The following PCDHGA2 variants were observed in gnomAD, a reference collection of about 807,000 sequenced individuals.
The protein encoded by PCDHGA2 is protocadherin gamma subfamily A, 2, also known as protocadherin gamma-A2.
In PCDHGA2, 40 loss-of-function variants were observed where a neutral mutation model predicts 59.2. That is an observed-to-expected ratio of 0.68 (90% confidence interval 0.52 to 0.88). The LOEUF (loss-of-function observed/expected upper bound fraction) is 0.88. Among genes scored for constraint, PCDHGA2 ranks in the 40% least tolerant of loss-of-function variants. PCDHGA2 has a pLI of 0.00. For missense variants in PCDHGA2, 1,226 were observed against 1,204.0 expected, an observed-to-expected ratio of 1.02 and a Z score of -0.27; for synonymous variants, 560 against 526.0, an observed-to-expected ratio of 1.06 and a Z score of -0.89.
At position 141,476,639 on chromosome 5, in the gene PCDHGA2, A is replaced by G; in HGVS notation, c.2425-18168A>G. 1.2e-6 allele frequency: 2 copies of G among 1,614,206 alleles called. No individual in the cohort carries two copies. Among genetic ancestry groups the G allele is most frequent in the Non-Finnish European group, 1.7e-6 (2 of 1,180,038 alleles). On this transcript the variant is annotated intron_variant, in intron 1 of 3. Transcript: ENST00000394576. The surrounding 1 kb of genome is among the most constrained non-coding windows in gnomAD (Gnocchi z 7.6). ...CAACTCTTTACAAACCTATGAGCTG[A>G]GCCGAAATGAATACTTTGCGCTTCG...
intron 1 of PCDHGA2, chr5:141,372,888 T>C: frequency 8.5e-7 from 1 of 1,177,756 alleles, no homozygotes; most frequent in South Asian, 1.6e-5. Context: ...AGAATACAGA[T>C]TAAATATTCC....
At chr5:141,452,003 T>C (rs1031228207) in intron 1 of PCDHGA2, among the ~76,000 whole-genome samples, 2 of 152,210 alleles carry the variant, frequency 1.3e-5, no homozygotes, top group Non-Finnish European at 2.9e-5. Context: ...CAAAATCACT[T>C]GGTCCAGCCC....
intron 3 of PCDHGA2, among the ~76,000 whole-genome samples, chr5:141,506,621 G>A (rs143369587): frequency 1.3e-5 from 2 of 152,178 alleles, no homozygotes; most frequent in African/African-American, 4.8e-5. Flanking sequence ...GTGTTACCAG[G>A]GCCAAATGCA....
chr5:141,394,329 T>C (rs769172287), intron 1 of PCDHGA2: 6 of 1,613,980 alleles, frequency 3.7e-6, no homozygotes, highest in Non-Finnish European at 5.1e-6. Context: ...CTCGTATATC[T>C]CCATCAACTC....
chr5:141,400,361 C>G (rs776965891), intron 1 of PCDHGA2: 3 of 1,613,952 alleles, frequency 1.9e-6, no homozygotes, highest in Non-Finnish European at 2.5e-6. Flanking sequence ...GGGACTTTGC[C>G]TTATTCCTAC....
intron 2 of PCDHGA2, among the ~76,000 whole-genome samples, chr5:141,504,689 G>A (rs1395389800): frequency 6.6e-6 from 1 of 151,502 alleles, no homozygotes; most frequent in South Asian, 2.1e-4. Context: ...TAAAATAGGA[G>A]GGGCAGGTTC....
chr5:141,361,093 G>A (rs1160500738), intron 1 of PCDHGA2: 2 of 1,613,846 alleles, frequency 1.2e-6, no homozygotes, highest in East Asian at 2.2e-5. Context: ...TCTGAGTATC[G>A]AAGCAAAAGA....
intron 1 of PCDHGA2, chr5:141,365,993 C>T (rs1267153888): frequency 6.2e-7 from 1 of 1,614,110 alleles, no homozygotes; most frequent in Non-Finnish European, 8.5e-7. Context: ...TGTGCTGGAC[C>T]AGAACGACAA....
At position 141,485,709 on chromosome 5, in the gene PCDHGA2, C is replaced by A. The variant is rs2099618118; in HGVS notation, c.2425-9098C>A. On this transcript the variant is annotated intron_variant, in intron 1 of 3. Transcript: ENST00000394576. This position sits in a 1 kb window ranked among gnomAD's most constrained non-coding sequence, Gnocchi z 5.7. ...AGGCTGAGCTCCAATGAACACTTTGCACTGGATGTGAAGAAGCGCAGCGAC... is the reference window on the plus strand; with the variant it reads ...AGGCTGAGCTCCAATGAACACTTTGAACTGGATGTGAAGAAGCGCAGCGAC... The A allele has an allele frequency of 1.2e-6, 2 of 1,614,128 alleles. No homozygotes were observed. The highest frequency in any genetic ancestry group is 1.7e-6 in the Non-Finnish European group (2 of 1,180,028).
intron 1 of PCDHGA2, chr5:141,430,977 A>G (rs761722055): frequency 1.2e-5 from 20 of 1,613,408 alleles, no homozygotes; most frequent in Middle Eastern, 1.7e-4. Flanking sequence ...GGTAGGACGC[A>G]GCTTTTCGCC....
intron 1 of PCDHGA2, among the ~76,000 whole-genome samples, chr5:141,474,588 A>G (rs2099351676): frequency 6.6e-6 from 1 of 152,258 alleles, no homozygotes; most frequent in Non-Finnish European, 1.5e-5. Context: ...TGTTAAAGAC[A>G]TGGAAATATA....
intron 1 of PCDHGA2, chr5:141,409,345 A>G (rs1012428329): frequency 6.2e-7 from 1 of 1,614,020 alleles, no homozygotes; most frequent in Non-Finnish European, 8.5e-7. Flanking sequence ...GAAATGGAGA[A>G]GTCAGGTGTA....
In PCDHGA2 at chr5:141,487,476, A is replaced by G; in HGVS notation, c.2425-7331A>G. Reference sequence around the variant, plus strand: ...ATCAAGTTTGTTGATGTGGGAGGCCACTCTCATGGCTGTACACCCTTGGCT... The same window carrying G: ...ATCAAGTTTGTTGATGTGGGAGGCCGCTCTCATGGCTGTACACCCTTGGCT... On this transcript the variant is annotated intron_variant, in intron 1 of 3. Transcript: ENST00000394576. The surrounding 1 kb of genome is among the most constrained non-coding windows in gnomAD (Gnocchi z 5.0). The G allele has an allele frequency of 6.2e-7, 1 of 1,614,004 alleles. No homozygotes were observed. Among genetic ancestry groups the G allele is most frequent in the Non-Finnish European group, 8.5e-7 (1 of 1,180,002 alleles).
At chr5:141,388,616 A>C in intron 1 of PCDHGA2, 1 of 1,613,938 alleles carries the variant, frequency 6.2e-7, no homozygotes, top group Non-Finnish European at 8.5e-7. Flanking sequence ...TGTTCAGTCA[A>C]GACGTATACA....
intron 1 of PCDHGA2, chr5:141,350,891 G>A (rs780126107): frequency 1.2e-6 from 2 of 1,614,036 alleles, no homozygotes; most frequent in Non-Finnish European, 1.7e-6. Context: ...AATCCTGACT[G>A]CCATGGATGG....
At chr5:141,376,106 C>A (rs747782630) in intron 1 of PCDHGA2, 2 of 1,613,796 alleles carry the variant, frequency 1.2e-6, no homozygotes, top group East Asian at 4.5e-5. Context: ...CCTGGCCGAC[C>A]TGGGCAGCCT....
chr5:141,390,388 G>C, intron 1 of PCDHGA2: 1 of 1,423,474 alleles, frequency 7.0e-7, no homozygotes, highest in Admixed American at 2.1e-5. Context: ...TAGATGTCAT[G>C]GATCATTTTA....
chr5:141,378,838 G>A (rs1352949775), intron 1 of PCDHGA2: 5 of 152,196 alleles, frequency 3.3e-5, no homozygotes, highest in Non-Finnish European at 1.5e-5. Flanking sequence ...GAAAACAGCA[G>A]AGTTTTTGAC....
intron 1 of PCDHGA2, chr5:141,384,489 A>G: frequency 6.2e-7 from 1 of 1,614,168 alleles, no homozygotes. Flanking sequence ...AACTACAACT[A>G]AGAGTGACTG....
Sources: allele counts gnomAD v4.1 joint callset (sites outside exome capture counted in the v4.1 genomes callset), GRCh38; gene constraint gnomAD v4.1.1; non-coding constraint Gnocchi (gnomAD v3.1); transcripts MANE v1.5; gene names NCBI Gene and HGNC (gene_info 2026-07-23, HGNC 2026-07-21).